The following PARD3 variants were observed in gnomAD, a reference collection of about 807,000 sequenced individuals.
PARD3 encodes the protein par-3 family cell polarity regulator, also known as partitioning defective 3 homolog.
A neutral mutation model predicts 155.4 loss-of-function variants in PARD3; 75 were observed. The ratio of observed to expected loss-of-function variants is 0.48; its 90% confidence interval spans 0.40 to 0.58. The LOEUF is 0.58. Among genes scored for constraint, PARD3 ranks in the 20% least tolerant of loss-of-function variants. The probability of loss-of-function intolerance (pLI) is 0.00; values close to 1 mark genes in which losing one functional copy is unlikely to be tolerated. For synonymous variants in PARD3, 576 were observed against 610.5 expected, an observed-to-expected ratio of 0.94 and a Z score of 0.83; for missense variants, 1,642 against 1,721.7, an observed-to-expected ratio of 0.95 and a Z score of 0.82.
chr10:34,593,247 G>A (rs974405839), intron 2 of PARD3, among the ~76,000 whole-genome samples: 2 of 152,132 alleles, frequency 1.3e-5, no homozygotes, highest in Admixed American at 6.6e-5. Flanking sequence ...TTCTGCACCT[G>A]CTTGAAAATA....
chr10:34,599,794 C>T (rs2089607194), intron 2 of PARD3, among the ~76,000 whole-genome samples: 1 of 152,210 alleles, frequency 6.6e-6, no homozygotes, highest in African/African-American at 2.4e-5. Flanking sequence ...TTTCTTTCCA[C>T]TACAACATGT....
intron 7 of PARD3, among the ~76,000 whole-genome samples, chr10:34,384,488 T>C (rs1842150967): frequency 6.6e-6 from 1 of 152,212 alleles, no homozygotes. Context: ...CAGTATTATG[T>C]TTCTAGAACA....
At chr10:34,609,540 T>TA (rs1357219135) in intron 2 of PARD3, among the ~76,000 whole-genome samples, 3 of 152,132 alleles carry the variant, frequency 2.0e-5, no homozygotes, top group African/African-American at 4.8e-5. Flanking sequence ...GAGTACTTAC[T>TA]TCCCTCTTTT....
intron 1 of PARD3, among the ~76,000 whole-genome samples, chr10:34,760,516 G>C (rs1319840564): frequency 6.6e-6 from 1 of 152,196 alleles, no homozygotes; most frequent in Admixed American, 6.5e-5. Context: ...ATCTTTAATA[G>C]AGAAGATCGT....
chr10:34,436,722 T>C (rs2076206182), intron 5 of PARD3, among the ~76,000 whole-genome samples: 1 of 152,152 alleles, frequency 6.6e-6, no homozygotes. Context: ...CAATAAACAC[T>C]GGCCCAGCTA....
chr10:34,758,322 A>G (rs1837004264), intron 1 of PARD3, among the ~76,000 whole-genome samples: 1 of 152,228 alleles, frequency 6.6e-6, no homozygotes, highest in African/African-American at 2.4e-5. Flanking sequence ...CAAGAAAGGT[A>G]GTATGCTCCC....
intron 3 of PARD3, among the ~76,000 whole-genome samples, chr10:34,515,528 G>A (rs911457974): frequency 2.6e-5 from 4 of 152,170 alleles, no homozygotes; most frequent in Non-Finnish European, 4.4e-5. Flanking sequence ...CATCACTTAC[G>A]TATCCCATCT....
At chr10:34,346,082 A>T in intron 15 of PARD3, 1 of 994,072 alleles carries the variant, frequency 1.0e-6, no homozygotes. Flanking sequence ...GTAAAAGGGC[A>T]TACACATCAC....
intron 5 of PARD3, among the ~76,000 whole-genome samples, chr10:34,435,027 G>C (rs2076119132): frequency 1.3e-5 from 2 of 152,072 alleles, no homozygotes; most frequent in South Asian, 4.1e-4. Flanking sequence ...ATAAATAAAG[G>C]TATCAGGGAA....
At chr10:34,505,487 A>T (rs965586145) in intron 3 of PARD3, among the ~76,000 whole-genome samples, 8 of 152,200 alleles carry the variant, frequency 5.3e-5, no homozygotes, top group Admixed American at 5.2e-4. Flanking sequence ...CAGGGGGTCC[A>T]GTAGCACATG....
At chr10:34,477,184 T>C (rs1564756338) in intron 3 of PARD3, among the ~76,000 whole-genome samples, 2 of 152,222 alleles carry the variant, frequency 1.3e-5, no homozygotes, top group South Asian at 4.1e-4. Context: ...GCTTCTCATT[T>C]AAGGTAATTT....
chr10:34,494,450 G>A (rs2080135875), intron 3 of PARD3, among the ~76,000 whole-genome samples: 1 of 152,200 alleles, frequency 6.6e-6, no homozygotes, highest in African/African-American at 2.4e-5. Flanking sequence ...TTTTAAGCAT[G>A]GAGGTAGAAG....
Position 34,414,128 on chromosome 10 carries a change from G to A in PARD3, c.715-12211C>T, listed in dbSNP as rs528611977. Reference sequence around the variant, plus strand: ...TGGGAGGATCACTTGAGCCCCAGAGGTCAACACTGCAGTGAGCTATATTCA... The same window carrying A: ...TGGGAGGATCACTTGAGCCCCAGAGATCAACACTGCAGTGAGCTATATTCA... On this transcript the variant is annotated intron_variant, in intron 5 of 24. Coordinates refer to ENST00000374788, the MANE Select transcript of PARD3 (RefSeq NM_001184785.2). 8.6e-5 allele frequency among the ~76,000 whole-genome samples: 13 copies of A among 151,556 alleles called. No individual in the cohort carries two copies. The East Asian group carries it at 1.6e-3, about 18-fold the overall frequency.
At chr10:34,114,669 T>C (rs1946569251) in intron 24 of PARD3, among the ~76,000 whole-genome samples, 1 of 152,202 alleles carries the variant, frequency 6.6e-6, no homozygotes, top group South Asian at 2.1e-4. Context: ...AAAGTTAGCT[T>C]TCCCTTCCTT....
At chr10:34,785,636 C>T (rs571773277) in intron 1 of PARD3, among the ~76,000 whole-genome samples, 37 of 152,100 alleles carry the variant, frequency 2.4e-4, no homozygotes, top group African/African-American at 8.0e-4. Context: ...ATTCGAGAGG[C>T]TGAGGTGGGA....
At chr10:34,231,347 G>A (rs1408381311) in intron 22 of PARD3, among the ~76,000 whole-genome samples, 1 of 142,474 alleles carries the variant, frequency 7.0e-6, no homozygotes, top group East Asian at 2.1e-4. Flanking sequence ...ATTACTTCCA[G>A]AAGTCACACT....
intron 23 of PARD3, among the ~76,000 whole-genome samples, chr10:34,123,582 T>A (rs188197557): frequency 6.6e-6 from 1 of 152,216 alleles, no homozygotes; most frequent in East Asian, 1.9e-4. Flanking sequence ...TGCACCACCA[T>A]GCCTGGTTAA....
intron 1 of PARD3, among the ~76,000 whole-genome samples, chr10:34,781,838 TC>T (rs1240355054): frequency 1.3e-5 from 2 of 152,204 alleles, no homozygotes; most frequent in Admixed American, 1.3e-4. Flanking sequence ...AACACTGTGC[TC>T]TATCGGATAA....
intron 2 of PARD3, among the ~76,000 whole-genome samples, chr10:34,620,587 C>T (rs1424350739): frequency 6.6e-6 from 1 of 152,210 alleles, no homozygotes; most frequent in Non-Finnish European, 1.5e-5. Context: ...TGGGATGGAG[C>T]ATTACATCAA....
Sources: gnomAD v4.1 joint callset for allele counts (sites outside exome capture counted in the v4.1 genomes callset) on GRCh38, gnomAD v4.1.1 for gene constraint, MANE v1.5 for transcripts, NCBI Gene and HGNC (gene_info 2026-07-23, HGNC 2026-07-21) for gene names.